FAT3: variants seen among roughly 807,000 people sequenced by gnomAD.
FAT3 encodes FAT atypical cadherin 3, also known as protocadherin Fat 3.
FAT3 carries 95 observed loss-of-function variants against 310.2 expected under a neutral mutation model. The ratio of observed to expected loss-of-function variants is 0.31; its 90% CI spans 0.26 to 0.36. The LOEUF is 0.36. Ranked by LOEUF, FAT3 falls within the 10% of genes least tolerant of loss-of-function variation. FAT3 has a pLI of 1.00. For missense variants in FAT3, 5,408 were observed against 5,715.6 expected, an observed-to-expected ratio of 0.95 and a Z score of 1.74; for synonymous variants, 2,314 against 2,192.9, an observed-to-expected ratio of 1.06 and a Z score of -1.54.
At chr11:92,766,126 A>G (rs1020933622) in intron 6 of FAT3, among the ~76,000 whole-genome samples, 1 of 152,212 alleles carries the variant, frequency 6.6e-6, no homozygotes, top group Admixed American at 6.5e-5. Context: ...ATTCCTTGAA[A>G]GAAAGCAAGC....
chr11:92,453,911 G>A (rs1238356695), intron 2 of FAT3, among the ~76,000 whole-genome samples: 1 of 151,842 alleles, frequency 6.6e-6, no homozygotes, highest in Non-Finnish European at 1.5e-5. Context: ...GTTTTTTCAA[G>A]GAAATTCTTT....
chr11:92,364,348 C>A (rs1260988103), intron 2 of FAT3, among the ~76,000 whole-genome samples: 4 of 152,044 alleles, frequency 2.6e-5, no homozygotes, highest in African/African-American at 9.7e-5. Context: ...GCATAGATTA[C>A]CAAAACTACG....
At chr11:92,808,721 C>T (rs1947578428) in intron 12 of FAT3, among the ~76,000 whole-genome samples, 1 of 152,030 alleles carries the variant, frequency 6.6e-6, no homozygotes, top group Admixed American at 6.6e-5. Flanking sequence ...GTCAGGAGAT[C>T]AAGACCATCC....
chr11:92,839,125 T>C (rs56264863), intron 17 of FAT3, among the ~76,000 whole-genome samples: 2 of 152,206 alleles, frequency 1.3e-5, no homozygotes, highest in Non-Finnish European at 2.9e-5. Flanking sequence ...CTACTCAACA[T>C]TCAGTTTTAT....
chr11:92,669,265 C>T (rs1943054178), intron 3 of FAT3, among the ~76,000 whole-genome samples: 1 of 152,160 alleles, frequency 6.6e-6, no homozygotes, highest in South Asian at 2.1e-4. Context: ...TCAGACAGAT[C>T]CCGGCTCCAA....
At chr11:92,467,080 T>C (rs1464189062) in intron 2 of FAT3, among the ~76,000 whole-genome samples, 105 of 145,806 alleles carry the variant, frequency 7.2e-4, no homozygotes, top group Admixed American at 1.0e-3. Flanking sequence ...ATTTATAGTC[T>C]TTTGGGTATA....
chr11:92,784,462 C>T (rs1946835774), intron 7 of FAT3, among the ~76,000 whole-genome samples: 1 of 152,296 alleles, frequency 6.6e-6, no homozygotes, highest in South Asian at 2.1e-4. Flanking sequence ...CCCATGGACA[C>T]TTTATACCAT....
At chr11:92,423,940 G>A (rs1347221927) in intron 2 of FAT3, among the ~76,000 whole-genome samples, 1 of 152,150 alleles carries the variant, frequency 6.6e-6, no homozygotes, top group African/African-American at 2.4e-5. Flanking sequence ...TACCTTCACA[G>A]TAATATCTAG....
At chr11:92,746,104 A>C (rs1273704245) in intron 4 of FAT3, among the ~76,000 whole-genome samples, 2 of 152,252 alleles carry the variant, frequency 1.3e-5, no homozygotes, top group African/African-American at 4.8e-5. Context: ...ATTCTTTCCT[A>C]AAAGCACAAC....
chr11:92,464,243 C>T (rs1450211402), intron 2 of FAT3, among the ~76,000 whole-genome samples: 1 of 152,202 alleles, frequency 6.6e-6, no homozygotes, highest in Admixed American at 6.5e-5. Flanking sequence ...GCACACAACT[C>T]TGTCACAAGT....
intron 1 of FAT3, among the ~76,000 whole-genome samples, chr11:92,295,691 C>T (rs184786743): frequency 7.0e-4 from 107 of 152,150 alleles, no homozygotes; most frequent in African/African-American, 2.5e-3. Context: ...GATTCATCGT[C>T]GGCAGGCATT....
chr11:92,358,808 T>TA (rs1008176393), intron 2 of FAT3, among the ~76,000 whole-genome samples: 5 of 151,938 alleles, frequency 3.3e-5, no homozygotes, highest in African/African-American at 9.7e-5. Context: ...TTCCAAGTGC[T>TA]AAAAAAAATA....
At chr11:92,719,495 A>G (rs1211529614) in intron 4 of FAT3, among the ~76,000 whole-genome samples, 1 of 66,176 alleles carries the variant, frequency 1.5e-5, no homozygotes, top group Non-Finnish European at 3.3e-5. Context: ...ACTATGAACT[A>G]TGAAACCTGT....
At chr11:92,641,041 A>G (rs564210513) in intron 3 of FAT3, among the ~76,000 whole-genome samples, 2 of 152,274 alleles carry the variant, frequency 1.3e-5, no homozygotes, top group Admixed American at 6.5e-5. Flanking sequence ...AACAAAACAT[A>G]CAGAATTAGC....
At position 92,805,257 on chromosome 11, in the gene FAT3, A is replaced by G. The variant is rs1182744119; in HGVS notation, c.9001A>G (p.Asn3001Asp). ...AGAAGAACAGGACATTTACTTTCTC[A>G]ATATCACTGCCACTGATGGGCTTTT... Reference protein sequence around the residue: ...DREEQDIYFLNITATDGLFVT... With the variant: ...DREEQDIYFLDITATDGLFVT... Residue 3001 changes from asparagine to aspartate, a missense_variant, in exon 11 of 28, where the codon AAT (asparagine) becomes GAT (aspartate). Physicochemically the swap from Asn to Asp is conservative, Grantham distance 23. Around this residue, in one of 5 missense-constraint regions of FAT3, gnomAD observed 4,588 missense variants for 4,809.8 expected, o/e 0.95. Transcript: ENST00000525166. 20 of 1,613,878 alleles carry G rather than the reference A, an allele frequency of 1.2e-5. No individual in the cohort carries two copies. Among genetic ancestry groups the G allele is most frequent in the Non-Finnish European group, 1.7e-5 (20 of 1,179,830 alleles).
intron 3 of FAT3, among the ~76,000 whole-genome samples, chr11:92,684,198 T>G (rs762233328): frequency 6.6e-6 from 1 of 152,204 alleles, no homozygotes; most frequent in Non-Finnish European, 1.5e-5. Context: ...CTAGTTGGTT[T>G]TTAAATGGGT....
At chr11:92,585,750 C>T (rs898728973) in intron 3 of FAT3, among the ~76,000 whole-genome samples, 1 of 151,910 alleles carries the variant, frequency 6.6e-6, no homozygotes, top group Non-Finnish European at 1.5e-5. Context: ...TGCTCTTAGC[C>T]ATTATTCTCT....
intron 3 of FAT3, among the ~76,000 whole-genome samples, chr11:92,692,123 A>T (rs1213471270): frequency 6.6e-6 from 1 of 152,164 alleles, no homozygotes; most frequent in Non-Finnish European, 1.5e-5. Context: ...GCTGAAAAAA[A>T]TTTTTAAAAG....
chr11:92,268,908 G>T (rs1946040481), intron 1 of FAT3, among the ~76,000 whole-genome samples: 1 of 150,822 alleles, frequency 6.6e-6, no homozygotes, highest in Non-Finnish European at 1.5e-5. Context: ...AGTAAAGGGA[G>T]ACTATGGTTT....
Sources: gnomAD v4.1 joint callset for allele counts (sites outside exome capture counted in the v4.1 genomes callset) on GRCh38, gnomAD v4.1.1 for gene constraint, gnomAD v4.1.1 regional missense constraint, MANE v1.5 for transcripts, NCBI Gene and HGNC (gene_info 2026-07-23, HGNC 2026-07-21) for gene names.